Variants in C2CD3 observed in about 807,000 individuals in gnomAD.
C2CD3 encodes the protein C2 domain-containing protein 3.
Under a neutral mutation model 234.0 loss-of-function variants are expected in C2CD3, and 148 were observed. The observed-to-expected ratio is 0.63, with a 90% CI of 0.55 to 0.72. C2CD3 has a LOEUF of 0.72. Ranked by LOEUF, C2CD3 falls within the 30% of genes least tolerant of loss-of-function variation. C2CD3 has a pLI of 0.00. For synonymous variants in C2CD3, 1,000 were observed against 1,035.4 expected (o/e 0.97, Z 0.66); for missense variants, 2,577 against 2,811.5 (o/e 0.92, Z 1.89).
intron 32 of C2CD3, among the ~76,000 whole-genome samples, chr11:74,020,385 G>C (rs1405948902): frequency 6.6e-6 from 1 of 152,232 alleles, no homozygotes; most frequent in Non-Finnish European, 1.5e-5. Context: ...CAAATCCACA[G>C]CATGAAAAGC....
At chr11:74,032,471 T>TG (rs1416327675) in intron 31 of C2CD3, among the ~76,000 whole-genome samples, 1 of 148,550 alleles carries the variant, frequency 6.7e-6, no homozygotes, top group Non-Finnish European at 1.5e-5. Flanking sequence ...AAGGAAGGAG[T>TG]GGGGAATGTC....
intron 4 of C2CD3, 145 bp from the exon 5 acceptor site, chr11:74,139,112 T>C: frequency 1.6e-6 from 1 of 620,564 alleles, no homozygotes; most frequent in South Asian, 2.1e-5. Context: ...TACAACTTTG[T>C]AAATCTCTTT....
chr11:74,048,385 T>C (rs754865855), intron 27 of C2CD3, 47 bp from the exon 28 acceptor site: 36 of 1,594,068 alleles, frequency 2.3e-5, no homozygotes, highest in Non-Finnish European at 3.0e-5. Context: ...CATAAACCCA[T>C]TCGTAACAAA....
chr11:74,113,343 T>C, intron 11 of C2CD3: 1 of 167,806 alleles, frequency 6.0e-6, no homozygotes. Flanking sequence ...TTAGGGGGGA[T>C]GAAAATGTTC....
intron 3 of C2CD3, among the ~76,000 whole-genome samples, chr11:74,156,229 G>T (rs577760909): frequency 6.6e-6 from 1 of 151,496 alleles, no homozygotes; most frequent in Non-Finnish European, 1.5e-5. Context: ...AGCTGAGATC[G>T]CACCACTGCA....
chr11:74,121,826 T>G (rs1218850429), intron 8 of C2CD3, among the ~76,000 whole-genome samples: 7 of 152,182 alleles, frequency 4.6e-5, no homozygotes, highest in Non-Finnish European at 1.0e-4. Context: ...GTATCAGTGA[T>G]GACTGTGAAG....
intron 26 of C2CD3, among the ~76,000 whole-genome samples, chr11:74,052,988 G>T (rs549423658): frequency 6.6e-6 from 1 of 152,282 alleles, no homozygotes; most frequent in South Asian, 2.1e-4. Context: ...AGACTTAGAG[G>T]AGAGATTTAG....
chr11:74,147,347 G>A (rs1228001440), intron 3 of C2CD3, among the ~76,000 whole-genome samples: 2 of 152,084 alleles, frequency 1.3e-5, no homozygotes. Context: ...AGCCCAGGAG[G>A]TCAAGGCTGC....
rs561389569 is a variant in C2CD3 at position 74,048,115 on chromosome 11, C to A, written c.5495+90G>T. ...AGCTCTTACCCTGTCTTGTTTTTTC[C>A]TCTAATAAAGGAAAGAGAGAAATGA... On this transcript the variant is annotated intron_variant, in intron 28 of 32. Transcript: ENST00000334126. The A allele has an allele frequency of 5.1e-6, 7 of 1,378,980 alleles. No homozygotes were observed. In the African/African-American group the frequency reaches 1.0e-4, roughly 20 times the overall value. 85.4% of individuals were successfully genotyped at this position (1,378,980 alleles called of 1,614,324 possible).
chr11:74,074,462 T>A lies in C2CD3; in HGVS notation c.4742A>T (p.Glu1581Val). 1 of 1,614,158 alleles carries A rather than the reference T, an allele frequency of 6.2e-7. No individual in the cohort carries two copies. Among genetic ancestry groups the A allele is most frequent in the Non-Finnish European group, 8.5e-7 (1 of 1,180,000 alleles). ...ATTCCTTCTGGGGAGCTGCTCAGAC[T>A]CACTGTGGCTGCTGCAGTCCATGGA... is the stretch of plus-strand genomic sequence containing the variant. ...LDSMDCSSHS[E>V]SEQLPRRNDE... The change falls in exon 24 of 33, where the codon GAG becomes GTG. Residue 1581 changes from glutamate (E) to valine (V), a missense_variant. Glu to Val is a moderately radical substitution (Grantham distance 121). Transcript: ENST00000334126.
At chr11:74,092,643 T>A in intron 18 of C2CD3, 55 bp from the exon 19 acceptor site, 1 of 1,467,988 alleles carries the variant, frequency 6.8e-7, no homozygotes, top group South Asian at 1.2e-5. Flanking sequence ...AATGATTCAG[T>A]CTGCCCCACA....
chr11:74,109,424 G>A (rs1241130958), intron 11 of C2CD3: 3 of 331,778 alleles, frequency 9.0e-6, no homozygotes, highest in East Asian at 1.1e-4. Context: ...AGTACTGGAT[G>A]TGTAAGGAGA....
intron 14 of C2CD3, among the ~76,000 whole-genome samples, chr11:74,102,671 G>C (rs1262481717): frequency 1.3e-5 from 2 of 152,142 alleles, no homozygotes; most frequent in African/African-American, 4.8e-5. Context: ...AAGAAATTAA[G>C]ACAGTAAAGT....
intron 23 of C2CD3, among the ~76,000 whole-genome samples, chr11:74,075,609 G>A (rs1955001313): frequency 1.3e-5 from 2 of 152,108 alleles, no homozygotes; most frequent in Admixed American, 6.6e-5. Context: ...CTCAAAGTTT[G>A]CTTCATTAGA....
Position 74,077,805 on chromosome 11 carries a change from A to G in C2CD3, c.4603+310T>C, listed in dbSNP as rs1468892023. Among the ~76,000 whole-genome samples the G allele has an allele frequency of 4.1e-4, 8 of 19,422 alleles. 1 individual carries two copies. Among genetic ancestry groups the G allele is most frequent in the African/African-American group, 1.7e-3 (7 of 4,138 alleles). The allele number at this position is 19,422 out of a possible 152,430, so 12.7% of individuals were successfully genotyped here. On this transcript the variant is annotated intron_variant, in intron 23 of 32. Transcript: ENST00000334126. ...TATATATATATATATATATATATATATATATATATATATATATATATATAT... is the reference window on the plus strand; with the variant it reads ...TATATATATATATATATATATATATGTATATATATATATATATATATATAT...
At chr11:74,147,782 CT>C (rs1195973754) in intron 3 of C2CD3, among the ~76,000 whole-genome samples, 11 of 152,300 alleles carry the variant, frequency 7.2e-5, no homozygotes, top group African/African-American at 2.4e-4. Context: ...ATCTGTCCTA[CT>C]TTTTTGTATT....
intron 23 of C2CD3, among the ~76,000 whole-genome samples, chr11:74,077,152 G>A (rs1330717733): frequency 6.6e-6 from 1 of 151,956 alleles, no homozygotes; most frequent in East Asian, 1.9e-4. Flanking sequence ...GGTGACCAGA[G>A]AGGAAGAATA....
rs933691775 is a variant in C2CD3, at chr11:74,015,986, AG to A, written c.6922-2462del. On this transcript the variant is annotated intron_variant, in intron 32 of 32. Transcript: ENST00000334126. Reference sequence around the variant, plus strand: ...CAGCTACTCAGGAGGCTGTGGTGGGAGGATCGCTTGAGCCCAAGAATTCAAG... The same window carrying A: ...CAGCTACTCAGGAGGCTGTGGTGGGAGATCGCTTGAGCCCAAGAATTCAAG... Among the ~76,000 whole-genome samples, 8 of 151,850 alleles carry A rather than the reference AG, an allele frequency of 5.3e-5. No individual in the cohort carries two copies. The South Asian group carries it at 1.0e-3, about 20-fold the overall frequency.
intron 30 of C2CD3, 40 bp from the exon 31 acceptor site, chr11:74,034,318 C>A: frequency 6.7e-7 from 1 of 1,501,680 alleles, no homozygotes; most frequent in African/African-American, 1.4e-5. Context: ...CAAGGTAGGG[C>A]CACAGACCCC....
Sources: allele counts gnomAD v4.1 joint callset (sites outside exome capture counted in the v4.1 genomes callset), GRCh38; gene constraint gnomAD v4.1.1; transcripts MANE v1.5; gene names NCBI Gene and HGNC (gene_info 2026-07-23, HGNC 2026-07-21).